DCLK2: variants seen among roughly 807,000 people sequenced by gnomAD.
DCLK2 encodes the protein serine/threonine-protein kinase DCLK2.
DCLK2 carries 31 observed loss-of-function variants against 78.4 expected under a neutral mutation model. The observed-to-expected ratio is 0.40, with a 90% CI of 0.30 to 0.53. The LOEUF is 0.53. Ranked by LOEUF, DCLK2 falls within the 20% of genes least tolerant of loss-of-function variation. The pLI is 0.61. For synonymous variants in DCLK2, 407 were observed against 374.9 expected, an observed-to-expected ratio of 1.09 and a Z score of -0.99; for missense variants, 872 against 973.7, an observed-to-expected ratio of 0.90 and a Z score of 1.39.
intron 2 of DCLK2, among the ~76,000 whole-genome samples, chr4:150,154,923 C>T (rs931845276): frequency 6.6e-6 from 1 of 152,156 alleles, no homozygotes; most frequent in African/African-American, 2.4e-5. Flanking sequence ...CATGAATGTA[C>T]TTTCTCATTT....
At position 150,190,864 on chromosome 4, in the gene DCLK2, G is replaced by A. The variant is rs538325203; in HGVS notation, c.757-2274G>A. 3.9e-5 allele frequency among the ~76,000 whole-genome samples: 6 copies of A among 152,254 alleles called. No homozygotes were observed. In the East Asian group the frequency reaches 1.2e-3, roughly 29 times the overall value. ...ACCAGCAGTTTGGGAGACCAAGGTG[G>A]GAGGATTGCTTGAGCCCAGGAGTTA... On this transcript the variant is annotated intron_variant, in intron 2 of 15. Coordinates refer to ENST00000296550, the MANE Select transcript of DCLK2 (RefSeq NM_001040260.4).
At position 150,134,422 on chromosome 4, in the gene DCLK2, A is replaced by G. The variant is rs559278063; in HGVS notation, c.756+31610A>G. Among the ~76,000 whole-genome samples the G allele has an allele frequency of 6.4e-4, 97 of 152,250 alleles. 1 individual carries two copies. The highest frequency in any genetic ancestry group is 2.3e-3 in the African/African-American group (95 of 41,554). On this transcript the variant is annotated intron_variant, in intron 2 of 15. Coordinates refer to ENST00000296550, the MANE Select transcript of DCLK2 (RefSeq NM_001040260.4). The stretch of plus-strand genomic sequence containing the variant: ...CTCTTAAAATGTTATGGTAGGGTCT[A>G]TTTTGCGAAATAAATTAGATACGGC...
At chr4:150,180,438 A>G (rs1737426446) in intron 2 of DCLK2, among the ~76,000 whole-genome samples, 1 of 152,164 alleles carries the variant, frequency 6.6e-6, no homozygotes, top group African/African-American at 2.4e-5. Context: ...CCTTCTCTAT[A>G]ACACTTATGA....
intron 2 of DCLK2, among the ~76,000 whole-genome samples, chr4:150,118,256 C>CA (rs1031474324): frequency 3.3e-5 from 5 of 150,204 alleles, no homozygotes; most frequent in Admixed American, 6.6e-5. Flanking sequence ...CAGGTGATTT[C>CA]AAAAAAAAAT....
At chr4:150,197,430 C>A (rs1739127855) in intron 3 of DCLK2, among the ~76,000 whole-genome samples, 1 of 152,150 alleles carries the variant, frequency 6.6e-6, no homozygotes, top group South Asian at 2.1e-4. Context: ...TTAATTAGCT[C>A]CATCTGGAAC....
chr4:150,225,365 G>A (rs1207266477), intron 8 of DCLK2, among the ~76,000 whole-genome samples: 3 of 152,180 alleles, frequency 2.0e-5, no homozygotes, highest in Non-Finnish European at 4.4e-5. Context: ...TCTAACTGGG[G>A]TTGGGAAAAG....
At chr4:150,083,779 C>A (rs528631892) in intron 1 of DCLK2, among the ~76,000 whole-genome samples, 1 of 152,274 alleles carries the variant, frequency 6.6e-6, no homozygotes, top group East Asian at 1.9e-4. Flanking sequence ...GGCTGCAAAA[C>A]GTTCTTTACC....
chr4:150,172,626 A>G (rs1011724767), intron 2 of DCLK2, among the ~76,000 whole-genome samples: 126 of 151,416 alleles, frequency 8.3e-4, no homozygotes, highest in African/African-American at 2.9e-3. Context: ...AAAAAAAAAA[A>G]AAAGAAATCC....
chr4:150,134,981 A>G (rs903307220), intron 2 of DCLK2, among the ~76,000 whole-genome samples: 3 of 152,084 alleles, frequency 2.0e-5, no homozygotes, highest in African/African-American at 7.2e-5. Flanking sequence ...TTGTTTGCTG[A>G]CTTACCTAAT....
chr4:150,232,319 A>G lies in DCLK2; in HGVS notation c.1300-18A>G, dbSNP rs751686845. The G allele has an allele frequency of 1.8e-5, 29 of 1,612,910 alleles. No homozygotes were observed. Among genetic ancestry groups the G allele is most frequent in the Middle Eastern group, 1.6e-4 (1 of 6,080 alleles). ...TTCTGTGATTTCTGATCTCCTCTCT[A>G]TACCGTTCATTTGACAGGAACACCT... On this transcript the variant is annotated intron_variant, in intron 8 of 15. Coordinates refer to ENST00000296550, the MANE Select transcript of DCLK2 (RefSeq NM_001040260.4).
intron 15 of DCLK2, among the ~76,000 whole-genome samples, chr4:150,253,082 C>T (rs1372702301): frequency 6.8e-6 from 1 of 147,490 alleles, no homozygotes; most frequent in Non-Finnish European, 1.5e-5. Flanking sequence ...CCTCCTCGTC[C>T]TCCTCATCCT....
intron 2 of DCLK2, among the ~76,000 whole-genome samples, chr4:150,153,626 G>C (rs1397649273): frequency 6.6e-6 from 1 of 151,696 alleles, no homozygotes. Context: ...TGTTGCCCAG[G>C]CTGGTCTTGA....
chr4:150,192,674 A>G (rs1580687828), intron 2 of DCLK2, among the ~76,000 whole-genome samples: 1 of 152,248 alleles, frequency 6.6e-6, no homozygotes, highest in Non-Finnish European at 1.5e-5. Flanking sequence ...AGCAGTTTTT[A>G]TATATTAATC....
intron 1 of DCLK2, among the ~76,000 whole-genome samples, chr4:150,082,121 G>A (rs1287083467): frequency 6.6e-6 from 1 of 152,046 alleles, no homozygotes; most frequent in Admixed American, 6.6e-5. Context: ...TTTCATGTAG[G>A]AGAACTAAGC....
chr4:150,193,927 T>A (rs1279391049), intron 3 of DCLK2, among the ~76,000 whole-genome samples: 3 of 151,890 alleles, frequency 2.0e-5, no homozygotes, highest in Non-Finnish European at 2.9e-5. Context: ...AATTTTTAAA[T>A]TTTTTGTAGA....
chr4:150,188,649 C>T (rs34681163), intron 2 of DCLK2, among the ~76,000 whole-genome samples: 41,632 of 151,946 alleles, frequency 0.27, 6,621 homozygotes, highest in Non-Finnish European at 0.36. Context: ...CGCCTGTAAT[C>T]CCAACACTAT....
At chr4:150,083,463 G>A (rs1729441379) in intron 1 of DCLK2, among the ~76,000 whole-genome samples, 1 of 152,170 alleles carries the variant, frequency 6.6e-6, no homozygotes, top group Non-Finnish European at 1.5e-5. Context: ...CATGAAGTTT[G>A]AGGTCCTCCT....
intron 2 of DCLK2, among the ~76,000 whole-genome samples, chr4:150,108,855 G>A (rs1357405187): frequency 6.6e-6 from 1 of 152,146 alleles, no homozygotes; most frequent in African/African-American, 2.4e-5. Context: ...CTTGTCATGG[G>A]CAGAGGCAAA....
At chr4:150,092,942 C>A (rs1273631192) in intron 1 of DCLK2, among the ~76,000 whole-genome samples, 2 of 152,092 alleles carry the variant, frequency 1.3e-5, no homozygotes, top group Non-Finnish European at 2.9e-5. Flanking sequence ...TTAGCAAGAA[C>A]AACTTGGCAA....
Sources: gnomAD v4.1 joint callset for allele counts (sites outside exome capture counted in the v4.1 genomes callset) on GRCh38, gnomAD v4.1.1 for gene constraint, MANE v1.5 for transcripts, NCBI Gene and HGNC (gene_info 2026-07-23, HGNC 2026-07-21) for gene names.